The following DAPK2 variants were observed in gnomAD, a reference collection of about 807,000 sequenced individuals.
The protein encoded by DAPK2 is death-associated protein kinase 2.
A neutral mutation model predicts 44.1 loss-of-function variants in DAPK2; 35 were observed. The ratio of observed to expected loss-of-function variants is 0.79; its 90% CI spans 0.61 to 1.05. The LOEUF (loss-of-function observed/expected upper bound fraction) is 1.05. DAPK2 is among the 50% of genes least tolerant of loss of function. The pLI, the probability that DAPK2 is intolerant of heterozygous loss-of-function variation, is 0.00. For missense variants in DAPK2, 453 were observed against 483.2 expected (o/e 0.94, Z 0.59); for synonymous variants, 174 against 182.6 (o/e 0.95, Z 0.38).
upstream of DAPK2, among the ~76,000 whole-genome samples, chr15:64,045,123 G>C (rs967507233): frequency 1.3e-5 from 2 of 152,270 alleles, no homozygotes; most frequent in African/African-American, 2.4e-5. Flanking sequence ...CTAACAAATC[G>C]GGAGGCCTCA....
At chr15:63,983,549 C>G (rs1221512803) in exon 2 of DAPK2, 1 of 1,614,066 alleles carries the variant, frequency 6.2e-7, no homozygotes, top group Non-Finnish European at 8.5e-7. Context: ...AGGATGAGCA[C>G]CACGTCGGTG....
chr15:63,920,050 G>C (rs1045374128), intron 8 of DAPK2: 1 of 152,118 alleles, frequency 6.6e-6, no homozygotes, highest in African/African-American at 2.4e-5. Context: ...ATCTTTCATT[G>C]GTTCCAAGAT....
At chr15:64,006,835 G>C (rs2079243156) in intron 1 of DAPK2, among the ~76,000 whole-genome samples, 1 of 152,164 alleles carries the variant, frequency 6.6e-6, no homozygotes, top group East Asian at 1.9e-4. Flanking sequence ...CTGGCAGCTG[G>C]AGGAGGTGAG....
In DAPK2 at chr15:63,939,513, T is replaced by C; in HGVS notation, c.454-152A>G. 1.4e-6 allele frequency: 1 copy of C among 722,652 alleles called. No homozygotes were observed. The highest frequency in any genetic ancestry group is 2.2e-6 in the Non-Finnish European group (1 of 453,442). 44.8% of individuals were successfully genotyped at this position (722,652 alleles called of 1,614,324 possible). On this transcript the variant is annotated intron_variant, in intron 3 of 10. Transcript: ENST00000261891. The surrounding 1 kb of genome is among the most constrained non-coding windows in gnomAD (Gnocchi z 4.3). ...AGACTGAAACAGCATAAACTCTTCCTTGTTTTTGGTCCTCAGTCTTCTCTG... is the reference window on the plus strand; with the variant it reads ...AGACTGAAACAGCATAAACTCTTCCCTGTTTTTGGTCCTCAGTCTTCTCTG...
At chr15:63,928,868 T>C (rs1461020790) in intron 6 of DAPK2, among the ~76,000 whole-genome samples, 2 of 151,810 alleles carry the variant, frequency 1.3e-5, no homozygotes, top group Non-Finnish European at 2.9e-5. Context: ...AGAGGCAAGA[T>C]TGGGGAGGGC....
intron 8 of DAPK2, among the ~76,000 whole-genome samples, chr15:63,915,338 C>G (rs1215105361): frequency 6.6e-6 from 1 of 152,174 alleles, no homozygotes; most frequent in Non-Finnish European, 1.5e-5. Flanking sequence ...GCTTAGCACC[C>G]TCCCCAACCC....
At chr15:63,914,685 G>C (rs965857) in intron 8 of DAPK2, among the ~76,000 whole-genome samples, 151,561 of 152,284 alleles carry the variant, frequency 1, 75,426 homozygotes, top group Non-Finnish European at 1. Flanking sequence ...CTACCTCTCT[G>C]CTTCCTGTCC....
rs1050019141 is a variant in DAPK2, at chr15:64,020,436, C to T, written c.92+19734G>A. ...TCCCCAAGAGTGGCATGTTCTCTTGCAGTAATGATTAAGGTGATACCATGG... is the reference window on the plus strand; with the variant it reads ...TCCCCAAGAGTGGCATGTTCTCTTGTAGTAATGATTAAGGTGATACCATGG... On this transcript the variant is annotated intron_variant, in intron 1 of 10. Transcript: ENST00000261891. The surrounding 1 kb of genome is among the most constrained non-coding windows in gnomAD (Gnocchi z 4.5). 6.6e-6 allele frequency among the ~76,000 whole-genome samples: 1 copy of T among 152,174 alleles called. No individual in the cohort carries two copies. The highest frequency in any genetic ancestry group is 2.4e-5 in the African/African-American group (1 of 41,426).
chr15:63,983,011 T>C (rs975801176), intron 2 of DAPK2, among the ~76,000 whole-genome samples: 1 of 152,256 alleles, frequency 6.6e-6, no homozygotes, highest in Non-Finnish European at 1.5e-5. Flanking sequence ...TAGGACTCTC[T>C]AAATAATAGC....
At chr15:63,929,786 C>A (rs762682086) in intron 5 of DAPK2, 1 of 685,502 alleles carries the variant, frequency 1.5e-6, no homozygotes, top group South Asian at 1.5e-5. Flanking sequence ...ACCCTGAGTC[C>A]GAAGACCCAA....
At chr15:63,931,233 C>T (rs535266567) in intron 4 of DAPK2, among the ~76,000 whole-genome samples, 1 of 152,290 alleles carries the variant, frequency 6.6e-6, no homozygotes, top group South Asian at 2.1e-4. Context: ...AAACTGTAAG[C>T]AATAAATTTC....
At chr15:63,954,499 T>C (rs1046742174) in intron 3 of DAPK2, among the ~76,000 whole-genome samples, 3 of 152,334 alleles carry the variant, frequency 2.0e-5, no homozygotes, top group African/African-American at 7.2e-5. Context: ...TCTGTTTCTT[T>C]GGTCTATGTG....
intron 1 of DAPK2, among the ~76,000 whole-genome samples, chr15:64,031,789 G>A (rs919444302): frequency 2.0e-5 from 3 of 152,128 alleles, no homozygotes; most frequent in African/African-American, 7.2e-5. Flanking sequence ...TAAAATTTTC[G>A]AGACTGAGTT....
intron 5 of DAPK2, chr15:63,929,805 T>A (rs2079469622): frequency 1.5e-6 from 1 of 670,808 alleles, no homozygotes; most frequent in Admixed American, 2.0e-5. Context: ...AAGTTCAAGA[T>A]CAGACTCCTG....
intron 3 of DAPK2, among the ~76,000 whole-genome samples, chr15:63,946,262 C>G (rs2077447442): frequency 6.6e-6 from 1 of 152,240 alleles, no homozygotes; most frequent in South Asian, 2.1e-4. Context: ...AGGTGGTTGT[C>G]CGGTGGGGCA....
chr15:63,991,463 C>G (rs2078816352), intron 1 of DAPK2: 1 of 377,844 alleles, frequency 2.6e-6, no homozygotes, highest in Non-Finnish European at 5.2e-6. Context: ...TTGCTACTGT[C>G]TTTCTAGTTC....
intron 3 of DAPK2, among the ~76,000 whole-genome samples, chr15:63,943,721 C>T (rs2077376772): frequency 1.3e-5 from 2 of 149,936 alleles, no homozygotes; most frequent in South Asian, 4.3e-4. Context: ...AAAAAAAATA[C>T]AAAAATTAGC....
chr15:64,026,219 G>C (rs1318321699), intron 1 of DAPK2, among the ~76,000 whole-genome samples: 1 of 152,082 alleles, frequency 6.6e-6, no homozygotes, highest in Non-Finnish European at 1.5e-5. Flanking sequence ...CTACAGCTGA[G>C]GTGATAGGGT....
Position 63,908,479 on chromosome 15 carries a change from T to G in DAPK2, c.*41A>C. ...AAGTCTGCACAGAAGGGAGCCCCGC[T>G]GGGCCCAGACCTCCCTGGCGGCCAC... On this transcript the variant is annotated 3_prime_UTR_variant, in exon 11 of 11. Coordinates refer to ENST00000261891, the Ensembl canonical transcript of DAPK2. The surrounding 1 kb of genome is among the most constrained non-coding windows in gnomAD (Gnocchi z 5.7). 7.0e-7 allele frequency: 1 copy of G among 1,437,292 alleles called. No individual in the cohort carries two copies. Among genetic ancestry groups the G allele is most frequent in the African/African-American group, 1.4e-5 (1 of 70,238 alleles). The allele number at this position is 1,437,292 out of a possible 1,614,324, so 89.0% of individuals were successfully genotyped here. A position where few individuals can be genotyped will look rare whatever the true frequency, so the allele number is the denominator to read the frequency against.
Sources: allele counts gnomAD v4.1 joint callset (sites outside exome capture counted in the v4.1 genomes callset), GRCh38; gene constraint gnomAD v4.1.1; non-coding constraint Gnocchi (gnomAD v3.1); transcripts MANE v1.5; gene names NCBI Gene and HGNC (gene_info 2026-07-23, HGNC 2026-07-21).